The following HHIPL1 variants were observed in gnomAD, a reference collection of about 807,000 sequenced individuals.
HHIPL1 encodes HHIP-like protein 1.
A neutral mutation model predicts 61.8 loss-of-function variants in HHIPL1; 43 were observed. That is an observed-to-expected ratio of 0.70 (90% confidence interval 0.55 to 0.90). HHIPL1 has a LOEUF of 0.90. Ranked by LOEUF, HHIPL1 falls within the 40% of genes least tolerant of loss-of-function variation. The pLI is 0.00. For missense variants in HHIPL1, 1,056 were observed against 1,157.7 expected, an observed-to-expected ratio of 0.91 and a Z score of 1.28; for synonymous variants, 482 against 515.8, an observed-to-expected ratio of 0.93 and a Z score of 0.89.
Position 99,660,421 on chromosome 14 carries a change from G to C in HHIPL1, c.1502+15G>C. The C allele has an allele frequency of 6.2e-7, 1 of 1,605,378 alleles. No homozygotes were observed. The highest frequency in any genetic ancestry group is 8.5e-7 in the Non-Finnish European group (1 of 1,173,940). ...TTCATGAGCGGGTAAGTGACCTAGT[G>C]CCCTCGCGCCCCTGGCTGCTGCCAC... On this transcript the variant is annotated intron_variant, in intron 5 of 8. Coordinates refer to ENST00000330710, the MANE Select transcript of HHIPL1 (RefSeq NM_001127258.3). The surrounding 1 kb of genome is among the most constrained non-coding windows in gnomAD (Gnocchi z 4.9).
the HHIPL1 span, among the ~76,000 whole-genome samples, chr14:99,627,145 C>T: frequency 1.9e-4 from 29 of 152,200 alleles, no homozygotes; most frequent in Non-Finnish European, 2.1e-4. The surrounding 1 kb of genome is among the most constrained non-coding windows in gnomAD (Gnocchi z 4.4). Flanking sequence ...CCTACCCATC[C>T]ATCCATCCAC....
chr14:99,649,761 A>C (rs140155823), intron 1 of HHIPL1, among the ~76,000 whole-genome samples: 2 of 152,344 alleles, frequency 1.3e-5, no homozygotes, highest in African/African-American at 4.8e-5. Context: ...GTGCCACTGC[A>C]CTCTAGCCTG....
In HHIPL1 at chr14:99,652,355, G is replaced by A; in HGVS notation, c.387G>A (p.Leu129=). 1.2e-6 allele frequency: 2 copies of A among 1,614,198 alleles called. No homozygotes were observed. Among genetic ancestry groups the A allele is most frequent in the Non-Finnish European group, 1.7e-6 (2 of 1,180,044 alleles). The part of the protein sequence containing the change: ...WHKCRGLFRH[L]STDQELWALE... Reference sequence around the variant, plus strand: ...AGTGCCGGGGGCTGTTCCGTCACCTGTCAACTGACCAGGAGCTCTGGGCGC... The same window carrying A: ...AGTGCCGGGGGCTGTTCCGTCACCTATCAACTGACCAGGAGCTCTGGGCGC... Residue 129 remains leucine, a synonymous_variant, in exon 2 of 9, where the codon CTG becomes CTA. Coordinates refer to ENST00000330710, the MANE Select transcript of HHIPL1 (RefSeq NM_001127258.3).
chr14:99,627,519 CAGG>C, the HHIPL1 span, among the ~76,000 whole-genome samples: 2 of 152,230 alleles, frequency 1.3e-5, no homozygotes, highest in African/African-American at 4.8e-5. This position sits in a 1 kb window ranked among gnomAD's most constrained non-coding sequence, Gnocchi z 4.4. Context: ...TGCCAGGTGC[CAGG>C]GTGCCAGGGA....
chr14:99,635,649 CTCAT>C, the HHIPL1 span, among the ~76,000 whole-genome samples: 9 of 151,970 alleles, frequency 5.9e-5, no homozygotes, highest in East Asian at 1.9e-4. Context: ...GTGAGCCCAT[CTCAT>C]TCATTCATTC....
rs1191629859 is a variant in HHIPL1 at position 99,660,201 on chromosome 14, G to A, written c.1376-79G>A. Reference sequence around the variant, plus strand: ...CCTCCGTGGCCGCCCCACCCCCGCGGAATCCCTCCGGAATTCTCCTGGCTG... The same window carrying A: ...CCTCCGTGGCCGCCCCACCCCCGCGAAATCCCTCCGGAATTCTCCTGGCTG... On this transcript the variant is annotated intron_variant, in intron 4 of 8. Transcript: ENST00000330710. This position sits in a 1 kb window ranked among gnomAD's most constrained non-coding sequence, Gnocchi z 4.9. The A allele has an allele frequency of 3.8e-6, 6 of 1,574,656 alleles. No individual in the cohort carries two copies. The highest frequency in any genetic ancestry group is 5.2e-6 in the Non-Finnish European group (6 of 1,158,084).
rs767386626 is a variant in HHIPL1 at position 99,659,550 on chromosome 14, C to G, written c.1169C>G (p.Ala390Gly). The G allele has an allele frequency of 1.9e-6, 3 of 1,549,044 alleles. No individual in the cohort carries two copies. Among genetic ancestry groups the G allele is most frequent in the East Asian group, 2.4e-5 (1 of 41,134 alleles). The change falls in exon 4 of 9, where the codon GCC becomes GGC. Residue 390 changes from alanine (A) to glycine (G), a missense_variant. Ala to Gly is a moderately conservative substitution (Grantham distance 60). Coordinates refer to ENST00000330710, the MANE Select transcript of HHIPL1 (RefSeq NM_001127258.3). ...CCCGCGGCGCAGCCCGAGGTCTACG[C>G]CCTGGGCGTGCGCAACATGTGGCGC... ...GDPAAQPEVY[A>G]LGVRNMWRCS...
intron 3 of HHIPL1, 82 bp downstream of exon 3, chr14:99,657,225 C>T (rs2056063632): frequency 2.7e-6 from 4 of 1,481,140 alleles, no homozygotes; most frequent in Non-Finnish European, 3.7e-6. Flanking sequence ...TGAGTTCCTT[C>T]CTCGGCCAGG....
intron 1 of HHIPL1, among the ~76,000 whole-genome samples, chr14:99,649,038 G>T (rs1011592690): frequency 3.3e-5 from 5 of 152,146 alleles, no homozygotes; most frequent in Non-Finnish European, 7.4e-5. Flanking sequence ...ACACACTGAG[G>T]CCAAGCTGCG....
At chr14:99,622,455 A>G in the HHIPL1 span, among the ~76,000 whole-genome samples, 1 of 152,076 alleles carries the variant, frequency 6.6e-6, no homozygotes, top group Admixed American at 6.6e-5. Context: ...CTCCCCGACA[A>G]CTGTCATCTG....
the HHIPL1 span, among the ~76,000 whole-genome samples, chr14:99,638,485 G>A: frequency 1.3e-5 from 2 of 152,192 alleles, no homozygotes; most frequent in East Asian, 1.9e-4. Flanking sequence ...AGAGGCGCTG[G>A]GTGTCCACTG....
At chr14:99,626,089 C>A in the HHIPL1 span, among the ~76,000 whole-genome samples, 1 of 151,962 alleles carries the variant, frequency 6.6e-6, no homozygotes, top group African/African-American at 2.4e-5. Context: ...GAGGAGTCAC[C>A]GAGAGATGAC....
At chr14:99,644,865 C>T (rs1299825132), upstream of HHIPL1, among the ~76,000 whole-genome samples, 6 of 152,196 alleles carry the variant, frequency 3.9e-5, no homozygotes, top group Non-Finnish European at 5.9e-5. Flanking sequence ...GGAGTCCAGG[C>T]CTCTGGCCCT....
In HHIPL1 at chr14:99,669,170, G is replaced by A. The variant is rs2056298229; in HGVS notation, c.1730+867G>A. 3 of 1,326,686 alleles carry A rather than the reference G, an allele frequency of 2.3e-6. No homozygotes were observed. In the African/African-American group the frequency reaches 4.4e-5, roughly 20 times the overall value. 82.2% of individuals were successfully genotyped at this position (1,326,686 alleles called of 1,614,324 possible). ...CTCCCAGCTGCTCTGGGAGTCTCAG[G>A]GCCAAGCCTGTATCTCTTCACTCTG... is the stretch of plus-strand genomic sequence containing the variant. On this transcript the variant is annotated intron_variant, in intron 7 of 8. Coordinates refer to ENST00000330710, the MANE Select transcript of HHIPL1 (RefSeq NM_001127258.3).
At chr14:99,621,346 A>C in the HHIPL1 span, among the ~76,000 whole-genome samples, 1 of 152,112 alleles carries the variant, frequency 6.6e-6, no homozygotes, top group Non-Finnish European at 1.5e-5. Flanking sequence ...GCGATAGTTC[A>C]TCGCAGGCAC....
At chr14:99,611,269 G>T in the HHIPL1 span, among the ~76,000 whole-genome samples, 1 of 151,240 alleles carries the variant, frequency 6.6e-6, no homozygotes, top group Non-Finnish European at 1.5e-5. Flanking sequence ...GAGTAGCTTG[G>T]ACTACAGGCT....
At position 99,646,825 on chromosome 14, in the gene HHIPL1, A is replaced by G. The variant is rs556138601; in HGVS notation, c.255+1363A>G. On this transcript the variant is annotated intron_variant, in intron 1 of 8. Coordinates refer to ENST00000330710, the MANE Select transcript of HHIPL1 (RefSeq NM_001127258.3). ...ATGATATGATATGATATGATATGATATGATATGATATAATATAATATAATA... is the reference window on the plus strand; with the variant it reads ...ATGATATGATATGATATGATATGATGTGATATGATATAATATAATATAATA... 1.2e-4 allele frequency among the ~76,000 whole-genome samples: 8 copies of G among 67,588 alleles called. No individual in the cohort carries two copies. The South Asian group carries it at 3.3e-3, about 28-fold the overall frequency. The allele number at this position is 67,588 out of a possible 152,430, so 44.3% of individuals were successfully genotyped here. A position where few individuals can be genotyped will look rare whatever the true frequency, so the allele number is the denominator to read the frequency against.
intron 5 of HHIPL1, 24 bp from the exon 6 acceptor site, chr14:99,662,852 C>A: frequency 6.4e-7 from 1 of 1,562,438 alleles, no homozygotes; most frequent in Non-Finnish European, 8.7e-7. Flanking sequence ...CAGGCATGGC[C>A]TCACAGCTCA....
In HHIPL1 at chr14:99,645,324, C is replaced by T; in HGVS notation, c.117C>T (p.Cys39=). 6.9e-7 allele frequency: 1 copy of T among 1,458,490 alleles called. No homozygotes were observed. Among genetic ancestry groups the T allele is most frequent in the Non-Finnish European group, 9.0e-7 (1 of 1,110,128 alleles). 90.3% of individuals were successfully genotyped at this position (1,458,490 alleles called of 1,614,324 possible). The change falls in exon 1 of 9, where the codon TGC becomes TGT. Residue 39 remains cysteine, a synonymous_variant. Transcript: ENST00000330710. ...PFRPTQPLRL[C]AQYSDFGCCD... ...GGCCGACGCAGCCGCTGCGCCTCTGCGCGCAGTACTCGGACTTCGGCTGCT... is the reference window on the plus strand; with the variant it reads ...GGCCGACGCAGCCGCTGCGCCTCTGTGCGCAGTACTCGGACTTCGGCTGCT...
Sources: allele counts gnomAD v4.1 joint callset (sites outside exome capture counted in the v4.1 genomes callset), GRCh38; gene constraint gnomAD v4.1.1; non-coding constraint Gnocchi (gnomAD v3.1); transcripts MANE v1.5; gene names NCBI Gene and HGNC (gene_info 2026-07-23, HGNC 2026-07-21).